Variants in MINDY3 observed in about 807,000 individuals in gnomAD.
The protein encoded by MINDY3 is MINDY lysine 48 deubiquitinase 3, also known as ubiquitin carboxyl-terminal hydrolase MINDY-3.
In MINDY3, 38 loss-of-function variants were observed where a neutral mutation model predicts 69.2. The ratio of observed to expected loss-of-function variants is 0.55; its 90% confidence interval spans 0.42 to 0.72. The LOEUF (loss-of-function observed/expected upper bound fraction) is 0.72. Ranked by LOEUF, MINDY3 falls within the 30% of genes least tolerant of loss-of-function variation. MINDY3 has a pLI of 0.00. For synonymous variants in MINDY3, 192 were observed against 180.1 expected, an observed-to-expected ratio of 1.07 and a Z score of -0.53; for missense variants, 522 against 519.0, an observed-to-expected ratio of 1.01 and a Z score of -0.06.
intron 14 of MINDY3, among the ~76,000 whole-genome samples, chr10:15,781,591 C>T (rs959692301): frequency 6.6e-6 from 1 of 152,002 alleles, no homozygotes; most frequent in African/African-American, 2.4e-5. Flanking sequence ...TGCAAAGCAT[C>T]ATGGGTAGGA....
At chr10:15,819,915 CAAAGT>C (rs754800865) in intron 9 of MINDY3, among the ~76,000 whole-genome samples, 3 of 152,096 alleles carry the variant, frequency 2.0e-5, no homozygotes, top group Non-Finnish European at 4.4e-5. Flanking sequence ...AAAATTAAAG[CAAAGT>C]AAAGCCTACA....
At chr10:15,842,973 C>T (rs188247594) in intron 3 of MINDY3, among the ~76,000 whole-genome samples, 101 of 151,438 alleles carry the variant, frequency 6.7e-4, no homozygotes, top group Admixed American at 2.6e-3. Context: ...GGAAATGCAC[C>T]GTGTTTTACC....
intron 1 of MINDY3, among the ~76,000 whole-genome samples, chr10:15,853,769 A>C (rs976518938): frequency 2.6e-5 from 4 of 151,798 alleles, no homozygotes; most frequent in Non-Finnish European, 5.9e-5. Flanking sequence ...GCTTTTACCT[A>C]GTATAACTAC....
rs142791633 is a variant in MINDY3, at chr10:15,792,502, G to A, written c.956-3183C>T. Among the ~76,000 whole-genome samples, 494 of 152,172 alleles carry A rather than the reference G, an allele frequency of 3.2e-3. 2 individuals are homozygous for A. The highest frequency in any genetic ancestry group is 0.011 in the African/African-American group (469 of 41,534). ...TGACAGAAACAGTGCTAACAGTGACGGGAGGCCACAGCAAGGGCACAGGGA... is the reference window on the plus strand; with the variant it reads ...TGACAGAAACAGTGCTAACAGTGACAGGAGGCCACAGCAAGGGCACAGGGA... On this transcript the variant is annotated intron_variant, in intron 11 of 14. Transcript: ENST00000277632.
chr10:15,855,416 A>G (rs1564537701), intron 1 of MINDY3, among the ~76,000 whole-genome samples: 1 of 152,086 alleles, frequency 6.6e-6, no homozygotes, highest in Non-Finnish European at 1.5e-5. Flanking sequence ...TCATACTCAA[A>G]TTATTTCCTA....
At chr10:15,792,955 CTCTTAAG>C (rs1837532715) in intron 11 of MINDY3, among the ~76,000 whole-genome samples, 1 of 151,986 alleles carries the variant, frequency 6.6e-6, no homozygotes, top group African/African-American at 2.4e-5. Context: ...TATAAAGTTA[CTCTTAAG>C]TCCATTTTAC....
At chr10:15,836,670 G>A (rs1213711794) in intron 6 of MINDY3, among the ~76,000 whole-genome samples, 1 of 151,600 alleles carries the variant, frequency 6.6e-6, no homozygotes, top group Non-Finnish European at 1.5e-5. Context: ...AAGGTAACCT[G>A]AGCAAATGAA....
chr10:15,833,633 T>C lies in MINDY3; in HGVS notation c.727A>G (p.Met243Val), dbSNP rs1292552899. 1 of 1,587,256 alleles carries C rather than the reference T, an allele frequency of 6.3e-7. No homozygotes were observed. The change falls in exon 8 of 15, where the codon ATG (methionine) becomes GTG (valine). Residue 243 changes from methionine to valine, a missense_variant. Coordinates refer to ENST00000277632, the MANE Select transcript of MINDY3 (RefSeq NM_024948.4). ...ACATAACAAGGAATATACTTACTCA[T>C]TCCTGAGCACTCTCTATCACCATCC... The part of the protein sequence containing the change: ...VWDGDRECSG[M>V]KLLGIHEQAA...
chr10:15,852,092 C>G (rs1834340385), intron 1 of MINDY3, among the ~76,000 whole-genome samples: 1 of 152,150 alleles, frequency 6.6e-6, no homozygotes, highest in Non-Finnish European at 1.5e-5. Context: ...ACAAACCTAT[C>G]TAAGTAGTCT....
chr10:15,779,123 T>A lies in MINDY3; in HGVS notation c.1207A>T (p.Thr403Ser). 6.2e-7 allele frequency: 1 copy of A among 1,613,472 alleles called. No individual in the cohort carries two copies. Among genetic ancestry groups the A allele is most frequent in the Non-Finnish European group, 8.5e-7 (1 of 1,179,666 alleles). ...YNEKVMYVEG[T>S]AVVMGFEDPM... ...TCTTCAAAACCCATCACAACTGCAG[T>A]CCCTTCTACGTACATGACCTGTTGA... is the stretch of plus-strand genomic sequence containing the variant. Residue 403 changes from threonine (T) to serine (S), a missense_variant, in exon 15 of 15, where the codon ACT becomes TCT. By Grantham distance (58) the Thr-to-Ser change is moderately conservative. Transcript: ENST00000277632.
chr10:15,845,145 T>G (rs764514131), intron 2 of MINDY3, among the ~76,000 whole-genome samples: 2 of 152,230 alleles, frequency 1.3e-5, no homozygotes, highest in African/African-American at 2.4e-5. Context: ...CAAGGATACA[T>G]TTGATATATG....
chr10:15,827,433 C>T (rs1277884964), intron 8 of MINDY3, among the ~76,000 whole-genome samples: 1 of 151,652 alleles, frequency 6.6e-6, no homozygotes, highest in Admixed American at 6.6e-5. Context: ...CCCAGCTACT[C>T]GGGAGGCTGA....
chr10:15,860,065 G>A (rs946495537), intron 1 of MINDY3, 141 bp downstream of exon 1: 1 of 660,400 alleles, frequency 1.5e-6, no homozygotes, highest in African/African-American at 1.8e-5. Context: ...GGCGTGTCTA[G>A]AAAGTCCAGC....
At chr10:15,858,931 T>C (rs1390680309) in intron 1 of MINDY3, among the ~76,000 whole-genome samples, 1 of 151,854 alleles carries the variant, frequency 6.6e-6, no homozygotes, top group Non-Finnish European at 1.5e-5. Context: ...CATAATTGAA[T>C]GTGAAAAAAA....
At chr10:15,830,847 G>T (rs1168988488) in intron 8 of MINDY3, among the ~76,000 whole-genome samples, 1 of 152,156 alleles carries the variant, frequency 6.6e-6, no homozygotes, top group Non-Finnish European at 1.5e-5. Context: ...AATTCTGCTG[G>T]TGAAAGGATG....
At chr10:15,786,748 C>CA in intron 12 of MINDY3, 100 bp from the exon 13 acceptor site, 2 of 718,724 alleles carry the variant, frequency 2.8e-6, no homozygotes. Flanking sequence ...ATTCGGCTGC[C>CA]AAAAACACTA....
intron 11 of MINDY3, among the ~76,000 whole-genome samples, chr10:15,791,367 C>T (rs1163937067): frequency 6.6e-6 from 1 of 151,770 alleles, no homozygotes. Flanking sequence ...AATAAGGAAA[C>T]AGAGGCACAA....
intron 11 of MINDY3, among the ~76,000 whole-genome samples, chr10:15,792,622 T>C (rs1033798993): frequency 2.0e-5 from 3 of 151,970 alleles, no homozygotes; most frequent in African/African-American, 7.3e-5. Context: ...ATAGTCCAAT[T>C]ATTCTTAAAG....
intron 14 of MINDY3, 84 bp from the exon 15 acceptor site, chr10:15,779,225 G>T: frequency 8.1e-7 from 1 of 1,228,808 alleles, no homozygotes; most frequent in Non-Finnish European, 1.1e-6. Context: ...TTAGAGGCTA[G>T]CAAATAAGGT....
Sources: gnomAD v4.1 joint callset for allele counts (sites outside exome capture counted in the v4.1 genomes callset) on GRCh38, gnomAD v4.1.1 for gene constraint, MANE v1.5 for transcripts, NCBI Gene and HGNC (gene_info 2026-07-23, HGNC 2026-07-21) for gene names.